The following COL14A1 variants were observed in gnomAD, a reference collection of about 807,000 sequenced individuals.
COL14A1 encodes the protein collagen type XIV alpha 1 chain.
In COL14A1, 136 loss-of-function variants were observed where a neutral mutation model predicts 230.3. The ratio of observed to expected loss-of-function variants is 0.59; its 90% CI spans 0.51 to 0.68. The LOEUF (loss-of-function observed/expected upper bound fraction) is 0.68, where lower values mean the gene tolerates loss of function less well. Ranked by LOEUF, COL14A1 falls within the 30% of genes least tolerant of loss-of-function variation. The pLI is 0.00. For synonymous variants in COL14A1, 792 were observed against 784.1 expected, an observed-to-expected ratio of 1.01 and a Z score of -0.17; for missense variants, 1,976 against 2,215.8, an observed-to-expected ratio of 0.89 and a Z score of 2.17.
intron 1 of COL14A1, among the ~76,000 whole-genome samples, chr8:120,134,429 A>G (rs1218255551): frequency 6.6e-6 from 1 of 152,160 alleles, no homozygotes; most frequent in Non-Finnish European, 1.5e-5. Context: ...ATGGAGAATA[A>G]AAGTTAAAAC....
chr8:120,321,481 A>G (rs979601979), intron 40 of COL14A1, among the ~76,000 whole-genome samples: 2 of 151,984 alleles, frequency 1.3e-5, no homozygotes, highest in African/African-American at 4.8e-5. Context: ...CCTACTAAAA[A>G]TACGAAAAAA....
In COL14A1 at chr8:120,262,949, A is replaced by G. The variant is rs1462407243; in HGVS notation, c.2951A>G (p.Lys984Arg). Reference sequence around the variant, plus strand: ...GGACTTCAGCCTGATTCTGAATATAAAATCAGTGTTTATACAAAGCTCCAG... The same window carrying G: ...GGACTTCAGCCTGATTCTGAATATAGAATCAGTGTTTATACAAAGCTCCAG... ...FYGLQPDSEYKISVYTKLQEI... is the reference protein window; with the variant it reads ...FYGLQPDSEYRISVYTKLQEI... Residue 984 changes from lysine (K) to arginine (R), a missense_variant, in exon 24 of 48, where the codon AAA (lysine) becomes AGA (arginine). Coordinates refer to ENST00000297848, the MANE Select transcript of COL14A1 (RefSeq NM_021110.4). 3.7e-6 allele frequency: 6 copies of G among 1,613,632 alleles called. No individual in the cohort carries two copies. In the African/African-American group the frequency reaches 8.0e-5, roughly 22 times the overall value.
chr8:120,305,281 A>G (rs1820825345), intron 36 of COL14A1, among the ~76,000 whole-genome samples: 1 of 152,162 alleles, frequency 6.6e-6, no homozygotes, highest in African/African-American at 2.4e-5. Flanking sequence ...CACCTGGCCA[A>G]AAACTCTTTT....
chr8:120,311,863 G>A (rs146702766), intron 37 of COL14A1, among the ~76,000 whole-genome samples: 1,871 of 152,184 alleles, frequency 0.012, 20 homozygotes, highest in Non-Finnish European at 0.018. Flanking sequence ...TTGGGAGGCC[G>A]AGGCAAGTGG....
intron 2 of COL14A1, among the ~76,000 whole-genome samples, chr8:120,156,576 C>A (rs1280882873): frequency 6.6e-6 from 1 of 152,140 alleles, no homozygotes; most frequent in African/African-American, 2.4e-5. Context: ...GCTTTAGTTG[C>A]ACCTTGGTTC....
At position 120,371,904 on chromosome 8, in the gene COL14A1, T is replaced by C; in HGVS notation, c.*673T>C. The C allele has an allele frequency of 2.9e-6, 1 of 344,900 alleles. No individual in the cohort carries two copies. Among genetic ancestry groups the C allele is most frequent in the Non-Finnish European group, 5.2e-6 (1 of 191,616 alleles). 21.4% of individuals were successfully genotyped at this position (344,900 alleles called of 1,614,324 possible). A position where few individuals can be genotyped will look rare whatever the true frequency, so the allele number is the denominator to read the frequency against. Reference sequence around the variant, plus strand: ...CTGATGCAAAGAGATATAATTTTAATGAACGATTTATCCAGCAGTGTGTTC... The same window carrying C: ...CTGATGCAAAGAGATATAATTTTAACGAACGATTTATCCAGCAGTGTGTTC... On this transcript the variant is annotated 3_prime_UTR_variant, in exon 48 of 48. Transcript: ENST00000297848.
chr8:120,322,638 C>A (rs897304392), intron 40 of COL14A1, among the ~76,000 whole-genome samples: 4 of 152,150 alleles, frequency 2.6e-5, no homozygotes, highest in African/African-American at 9.7e-5. Context: ...TAAGTGAGAA[C>A]ATGCAGAATC....
At chr8:120,316,996 C>T (rs750180111) in intron 40 of COL14A1, among the ~76,000 whole-genome samples, 5 of 152,064 alleles carry the variant, frequency 3.3e-5, no homozygotes, top group Non-Finnish European at 7.4e-5. Context: ...GGATTTTGAA[C>T]TTTAACATGA....
chr8:120,316,732 A>G (rs937559264), intron 40 of COL14A1, among the ~76,000 whole-genome samples: 2 of 152,056 alleles, frequency 1.3e-5, no homozygotes, highest in African/African-American at 4.8e-5. Context: ...TGACTGAAAG[A>G]TAGAAGTCAG....
At chr8:120,216,290 TTTC>T (rs1261852957) in intron 13 of COL14A1, 58 bp from the exon 14 acceptor site, 4 of 1,441,700 alleles carry the variant, frequency 2.8e-6, no homozygotes, top group African/African-American at 1.4e-5. Flanking sequence ...AAAGATGCAA[TTTC>T]TTTTTACATG....
intron 22 of COL14A1, among the ~76,000 whole-genome samples, chr8:120,253,046 G>T (rs1228890581): frequency 2.0e-5 from 3 of 152,196 alleles, no homozygotes; most frequent in Admixed American, 1.3e-4. Flanking sequence ...TGACACTGTT[G>T]TGGCTTCACT....
chr8:120,255,698 A>T (rs756366343), intron 23 of COL14A1, among the ~76,000 whole-genome samples: 1 of 152,172 alleles, frequency 6.6e-6, no homozygotes, highest in African/African-American at 2.4e-5. Flanking sequence ...GATAGCCAAG[A>T]CTAGCATACA....
intron 4 of COL14A1, among the ~76,000 whole-genome samples, chr8:120,163,719 C>T (rs149979897): frequency 0.041 from 6,199 of 152,194 alleles, 151 homozygotes; most frequent in Non-Finnish European, 0.059. Context: ...GCCGAGATTG[C>T]GCCATCGCCC....
At chr8:120,297,379 T>A (rs1820561401) in intron 34 of COL14A1, 132 bp from the exon 35 acceptor site, 1 of 417,416 alleles carries the variant, frequency 2.4e-6, no homozygotes, top group Non-Finnish European at 4.1e-6. Flanking sequence ...TTGTTGGAGT[T>A]ACTTTTTAAT....
intron 45 of COL14A1, among the ~76,000 whole-genome samples, chr8:120,366,427 A>G (rs1823408229): frequency 6.6e-6 from 1 of 152,236 alleles, no homozygotes; most frequent in Non-Finnish European, 1.5e-5. Context: ...CTATGATGTA[A>G]GCCAGGGTAA....
At chr8:120,270,310 G>A (rs918049012) in intron 26 of COL14A1, 136 bp downstream of exon 26, 7 of 910,522 alleles carry the variant, frequency 7.7e-6, no homozygotes, top group East Asian at 2.8e-5. Flanking sequence ...GGATAGACAG[G>A]TATGTGTTTG....
At chr8:120,199,769 A>G (rs1006292097) in intron 8 of COL14A1, among the ~76,000 whole-genome samples, 11 of 151,376 alleles carry the variant, frequency 7.3e-5, no homozygotes, top group African/African-American at 2.5e-4. Context: ...CATGTATCCC[A>G]TGGTGTGAGG....
At chr8:120,194,546 C>G (rs1816960025) in intron 5 of COL14A1, among the ~76,000 whole-genome samples, 1 of 152,098 alleles carries the variant, frequency 6.6e-6, no homozygotes. Context: ...AGTTCTATAT[C>G]TTGTTTAGGA....
At chr8:120,191,419 A>T (rs1210798601) in intron 5 of COL14A1, among the ~76,000 whole-genome samples, 1 of 152,034 alleles carries the variant, frequency 6.6e-6, no homozygotes, top group Non-Finnish European at 1.5e-5. Context: ...ACAGTTTGTT[A>T]TAATTTCTGT....
Sources: gnomAD v4.1 joint callset for allele counts (sites outside exome capture counted in the v4.1 genomes callset) on GRCh38, gnomAD v4.1.1 for gene constraint, MANE v1.5 for transcripts, NCBI Gene and HGNC (gene_info 2026-07-23, HGNC 2026-07-21) for gene names.